The following ATXN7L1 variants were observed in gnomAD, a reference collection of about 807,000 sequenced individuals.
ATXN7L1 encodes the protein ataxin 7 like 1, also known as ataxin-7-like protein 1.
In ATXN7L1, 15 loss-of-function variants were observed where a neutral mutation model predicts 70.8. The ratio of observed to expected loss-of-function variants is 0.21; its 90% CI spans 0.14 to 0.33. ATXN7L1 has a LOEUF of 0.33. Ranked by LOEUF, ATXN7L1 falls within the 10% of genes least tolerant of loss-of-function variation. ATXN7L1 has a pLI of 1.00. For missense variants in ATXN7L1, 975 were observed against 1,097.1 expected, an observed-to-expected ratio of 0.89 and a Z score of 1.57; for synonymous variants, 440 against 445.1, an observed-to-expected ratio of 0.99 and a Z score of 0.14.
chr7:105,636,342 C>G (rs1797360829), intron 7 of ATXN7L1, among the ~76,000 whole-genome samples: 6 of 151,488 alleles, frequency 4.0e-5, no homozygotes, highest in Admixed American at 2.6e-4. Flanking sequence ...TTGCAGTGAG[C>G]CGAGATCGCG....
intron 3 of ATXN7L1, among the ~76,000 whole-genome samples, chr7:105,730,300 C>A (rs555003937): frequency 6.6e-6 from 1 of 152,034 alleles, no homozygotes; most frequent in Non-Finnish European, 1.5e-5. Context: ...AACATATAAC[C>A]CAAGTCTAGT....
chr7:105,715,069 C>G (rs1584809098), intron 3 of ATXN7L1, among the ~76,000 whole-genome samples: 2 of 152,244 alleles, frequency 1.3e-5, no homozygotes, highest in East Asian at 1.9e-4. Context: ...ACCCATGGGT[C>G]CTGGATGCCA....
chr7:105,742,661 G>T (rs1798141435), intron 3 of ATXN7L1, among the ~76,000 whole-genome samples: 1 of 152,138 alleles, frequency 6.6e-6, no homozygotes, highest in Admixed American at 6.5e-5. Context: ...CATGCTGAGG[G>T]CTTACTCTGG....
intron 3 of ATXN7L1, among the ~76,000 whole-genome samples, chr7:105,687,740 C>T (rs112600604): frequency 6.0e-4 from 91 of 152,284 alleles, no homozygotes; most frequent in African/African-American, 2.0e-3. Flanking sequence ...GAGGCAGAGG[C>T]CTAGGTGCAG....
chr7:105,875,947 G>A (rs565610823), intron 1 of ATXN7L1, 67 bp from the exon 2 acceptor site: 2 of 1,356,882 alleles, frequency 1.5e-6, no homozygotes, highest in East Asian at 2.3e-5. Context: ...CCAAAGTCAA[G>A]GGGGGAGGGA....
intron 3 of ATXN7L1, among the ~76,000 whole-genome samples, chr7:105,785,568 T>C (rs939248706): frequency 6.7e-6 from 1 of 150,064 alleles, no homozygotes; most frequent in Non-Finnish European, 1.5e-5. Flanking sequence ...TTGTGGAAAA[T>C]AGCAAGGCCA....
intron 2 of ATXN7L1, chr7:105,819,445 TAAA>T (rs369266871): frequency 6.2e-3 from 3,419 of 549,746 alleles, no homozygotes; most frequent in Middle Eastern, 7.7e-3. Context: ...ATTTGGGATT[TAAA>T]AAAAAAAAAA....
At chr7:105,687,809 T>C (rs968923411) in intron 3 of ATXN7L1, among the ~76,000 whole-genome samples, 4 of 152,172 alleles carry the variant, frequency 2.6e-5, no homozygotes, top group African/African-American at 9.7e-5. Flanking sequence ...AGCAGGAATG[T>C]GGCCTGGCTT....
chr7:105,615,122 A>T (rs1793679682), intron 9 of ATXN7L1, among the ~76,000 whole-genome samples: 1 of 151,900 alleles, frequency 6.6e-6, no homozygotes, highest in Non-Finnish European at 1.5e-5. Flanking sequence ...TTAGAATAGA[A>T]ATCTCCCCAG....
intron 3 of ATXN7L1, among the ~76,000 whole-genome samples, chr7:105,787,322 G>A (rs1804450570): frequency 6.6e-6 from 1 of 152,170 alleles, no homozygotes; most frequent in Non-Finnish European, 1.5e-5. Flanking sequence ...TGGCTGCAGG[G>A]AGGGGCAGAA....
intron 2 of ATXN7L1, among the ~76,000 whole-genome samples, chr7:105,805,431 A>T (rs1457071460): frequency 1.3e-5 from 2 of 152,188 alleles, no homozygotes; most frequent in African/African-American, 4.8e-5. Context: ...TCAGTGTGGG[A>T]AACAGGAGGT....
chr7:105,791,013 C>T (rs1563095982), intron 2 of ATXN7L1, among the ~76,000 whole-genome samples: 1 of 152,238 alleles, frequency 6.6e-6, no homozygotes, highest in Non-Finnish European at 1.5e-5. Flanking sequence ...ACCCAACAGA[C>T]ACCTAAGGGA....
At position 105,859,998 on chromosome 7, in the gene ATXN7L1, G is replaced by A. The variant is rs553854736; in HGVS notation, c.250+15814C>T. Among the ~76,000 whole-genome samples, 13 of 149,730 alleles carry A rather than the reference G, an allele frequency of 8.7e-5. No homozygotes were observed. In the South Asian group the frequency reaches 2.7e-3, roughly 32 times the overall value. Reference sequence around the variant, plus strand: ...GGGTTTCACCATGTTGGCCAGGCTGGTCTCGAACTCCTGACTCCGGGTAAT... The same window carrying A: ...GGGTTTCACCATGTTGGCCAGGCTGATCTCGAACTCCTGACTCCGGGTAAT... On this transcript the variant is annotated intron_variant, in intron 2 of 11. Coordinates refer to ENST00000419735, the MANE Select transcript of ATXN7L1 (RefSeq NM_020725.2).
chr7:105,651,909 C>G (rs373072693), intron 4 of ATXN7L1, among the ~76,000 whole-genome samples: 1 of 152,188 alleles, frequency 6.6e-6, no homozygotes, highest in Non-Finnish European at 1.5e-5. Flanking sequence ...CTAGGCTGCT[C>G]CAATTTTCTG....
At chr7:105,807,472 T>C (rs925625773) in intron 2 of ATXN7L1, among the ~76,000 whole-genome samples, 1 of 152,198 alleles carries the variant, frequency 6.6e-6, no homozygotes, top group African/African-American at 2.4e-5. Flanking sequence ...GACGCGGCAC[T>C]CCTGGGTAGG....
At chr7:105,739,091 C>A (rs1438213247) in intron 3 of ATXN7L1, among the ~76,000 whole-genome samples, 3 of 152,142 alleles carry the variant, frequency 2.0e-5, no homozygotes, top group Non-Finnish European at 4.4e-5. Context: ...ACAAACTGAG[C>A]TAGGCAAGGG....
In ATXN7L1 at chr7:105,788,474, C is replaced by A. The variant is rs901389437; in HGVS notation, c.355+130G>T. 137 of 730,570 alleles carry A rather than the reference C, an allele frequency of 1.9e-4. 1 individual carries two copies. The South Asian group carries it at 2.2e-3, about 12-fold the overall frequency. 45.3% of individuals were successfully genotyped at this position (730,570 alleles called of 1,614,324 possible). ...CAGCCTGCGAGCAGAGGCAGCAGCC[C>A]AGGAAGACTTTACCCACAGCCTCAG... On this transcript the variant is annotated intron_variant, in intron 3 of 11. Coordinates refer to ENST00000419735, the MANE Select transcript of ATXN7L1 (RefSeq NM_020725.2).
intron 2 of ATXN7L1, chr7:105,819,733 G>A (rs1184196284): frequency 8.9e-6 from 7 of 786,804 alleles, no homozygotes; most frequent in Admixed American, 5.3e-5. Context: ...CGCACCTTCC[G>A]GCTGACCTCG....
Position 105,814,004 on chromosome 7 carries a change from C to G in ATXN7L1, c.251-25296G>C, listed in dbSNP as rs187838121. ...CCCCTCTAGCCTCAATCCTTTCTTCCTCTCTTCCTCCATTTCACCTTACAC... is the reference window on the plus strand; with the variant it reads ...CCCCTCTAGCCTCAATCCTTTCTTCGTCTCTTCCTCCATTTCACCTTACAC... On this transcript the variant is annotated intron_variant, in intron 2 of 11. Coordinates refer to ENST00000419735, the MANE Select transcript of ATXN7L1 (RefSeq NM_020725.2). Among the ~76,000 whole-genome samples, 59 of 152,270 alleles carry G rather than the reference C, an allele frequency of 3.9e-4. No homozygotes were observed. In the East Asian group the frequency reaches 0.011, roughly 29 times the overall value.
Sources: gnomAD v4.1 joint callset for allele counts (sites outside exome capture counted in the v4.1 genomes callset) on GRCh38, gnomAD v4.1.1 for gene constraint, MANE v1.5 for transcripts, NCBI Gene and HGNC (gene_info 2026-07-23, HGNC 2026-07-21) for gene names.